COL18A1: variants seen among roughly 807,000 people sequenced by gnomAD.
COL18A1 encodes the protein collagen type XVIII alpha 1 chain, also known as collagen alpha-1(XVIII) chain.
In COL18A1, 133 loss-of-function variants were observed where a neutral mutation model predicts 168.0. The observed-to-expected ratio is 0.79, with a 90% CI of 0.69 to 0.91. The LOEUF is 0.91. Ranked by LOEUF, COL18A1 falls within the 40% of genes least tolerant of loss-of-function variation. The pLI is 0.00. For missense variants in COL18A1, 2,126 were observed against 1,925.4 expected, an observed-to-expected ratio of 1.10 and a Z score of -1.95; for synonymous variants, 949 against 809.0, an observed-to-expected ratio of 1.17 and a Z score of -2.94.
intron 38 of COL18A1, among the ~76,000 whole-genome samples, chr21:45,508,267 AGTGGATGGGTAG>A (rs965544350): frequency 7.9e-6 from 1 of 127,086 alleles, no homozygotes; most frequent in Admixed American, 7.7e-5. Context: ...CAGGTGGGTG[AGTGGATGGGTAG>A]GTAGATGGGG....
Position 45,496,591 on chromosome 21 carries a change from G to C in COL18A1, c.2577+23G>C. 2.6e-6 allele frequency: 3 copies of C among 1,144,850 alleles called. 1 individual carries two copies. The South Asian group carries it at 3.7e-5, about 14-fold the overall frequency. 70.9% of individuals were successfully genotyped at this position (1,144,850 alleles called of 1,614,324 possible). ...AATGTAAGTCCCCAGGGCACCCACT[G>C]TCCTACAGCCACCCTTGGCTGTCAC... is the stretch of plus-strand genomic sequence containing the variant. On this transcript the variant is annotated intron_variant, in intron 30 of 41. Transcript: ENST00000651438.
chr21:45,439,373 C>T (rs1486029635), intron 2 of COL18A1, among the ~76,000 whole-genome samples: 1 of 152,168 alleles, frequency 6.6e-6, no homozygotes, highest in Non-Finnish European at 1.5e-5. Context: ...GTGTGGATGC[C>T]GGGCGCCCGC....
intron 29 of COL18A1, 189 bp downstream of exon 29, chr21:45,495,621 C>T (rs1041849740): frequency 2.5e-4 from 153 of 604,732 alleles, no homozygotes; most frequent in Non-Finnish European, 4.1e-4. Context: ...CACGTGTGCC[C>T]AAACATGCAT....
intron 2 of COL18A1, among the ~76,000 whole-genome samples, chr21:45,449,907 G>A (rs1009310792): frequency 6.6e-6 from 1 of 152,206 alleles, no homozygotes; most frequent in Admixed American, 6.5e-5. Context: ...CTTTATCATC[G>A]TGGTTTGAAA....
At position 45,498,355 on chromosome 21, in the gene COL18A1, TCCCTCTCGCCACCACGGTC is replaced by T. The variant is rs1300574029; in HGVS notation, c.2683+705_2683+723del. On this transcript the variant is annotated intron_variant, in intron 32 of 41. Coordinates refer to ENST00000651438, the MANE Select transcript of COL18A1 (RefSeq NM_001379500.1). This position sits in a 1 kb window ranked among gnomAD's most constrained non-coding sequence, Gnocchi z 4.5. ...CAGGGTCCCCTCTCACCGCCAGGGT[TCCCTCTCGCCACCACGGTC>T]CCCTCTCGCCGCCAGGGTCCCCTCT... The T allele has an allele frequency of 1.0e-5, 4 of 397,418 alleles. No homozygotes were observed. The African/African-American group carries it at 1.2e-4, about 12-fold the overall frequency. The allele number at this position is 397,418 out of a possible 1,614,324, so 24.6% of individuals were successfully genotyped here.
At chr21:45,496,086 C>A (rs1315496557) in intron 29 of COL18A1, 6 of 256,860 alleles carry the variant, frequency 2.3e-5, no homozygotes, top group Non-Finnish European at 4.7e-5. Flanking sequence ...CCTCCATGCC[C>A]TCTATGCCCT....
At chr21:45,480,381 T>C (rs2145935884) in intron 11 of COL18A1, 86 bp from the exon 12 acceptor site, 2 of 1,611,206 alleles carry the variant, frequency 1.2e-6, no homozygotes, top group African/African-American at 1.3e-5. Context: ...AACAGCTCGA[T>C]ATGCAGCTTG....
At chr21:45,482,341 G>A (rs369356836) in intron 14 of COL18A1, 31 of 682,988 alleles carry the variant, frequency 4.5e-5, no homozygotes, top group Non-Finnish European at 5.7e-5. Context: ...TCGGACTGAC[G>A]CAAGGAGCCG....
chr21:45,464,807 G>C (rs2035147489), intron 2 of COL18A1, among the ~76,000 whole-genome samples: 1 of 152,150 alleles, frequency 6.6e-6, no homozygotes, highest in African/African-American at 2.4e-5. Context: ...TGTGTGGTTA[G>C]AAGTGGATCA....
chr21:45,427,862 A>C (rs920600154), intron 2 of COL18A1, among the ~76,000 whole-genome samples: 2 of 152,094 alleles, frequency 1.3e-5, no homozygotes, highest in Non-Finnish European at 2.9e-5. Flanking sequence ...ACTGGCGATG[A>C]GCTCAGGCCT....
intron 2 of COL18A1, among the ~76,000 whole-genome samples, chr21:45,426,307 G>A (rs1030825122): frequency 6.6e-6 from 1 of 152,166 alleles, no homozygotes. Context: ...GTTTCACCAT[G>A]TTGGCCAGGC....
rs1161131669 is a variant in COL18A1, at chr21:45,473,813, C to A, written c.652-82C>A. 4.9e-6 allele frequency: 6 copies of A among 1,222,978 alleles called. No homozygotes were observed. The highest frequency in any genetic ancestry group is 2.0e-5 in the Admixed American group (1 of 50,602). 75.8% of individuals were successfully genotyped at this position (1,222,978 alleles called of 1,614,324 possible). ...ACTCTCCTGCCCTTTGTGGGCCCCCCGAAATCTGGAGCTCAAGCAGCACCG... is the reference window on the plus strand; with the variant it reads ...ACTCTCCTGCCCTTTGTGGGCCCCCAGAAATCTGGAGCTCAAGCAGCACCG... On this transcript the variant is annotated intron_variant, in intron 3 of 41. Coordinates refer to ENST00000651438, the MANE Select transcript of COL18A1 (RefSeq NM_001379500.1). The surrounding 1 kb of genome is among the most constrained non-coding windows in gnomAD (Gnocchi z 4.0).
chr21:45,487,179 C>T (rs922101292), intron 16 of COL18A1, among the ~76,000 whole-genome samples, 187 bp downstream of exon 16: 9 of 152,350 alleles, frequency 5.9e-5, no homozygotes, highest in South Asian at 4.1e-4. Flanking sequence ...CCGTGCCCCA[C>T]GGTGCTGATG....
chr21:45,455,245 C>A (rs1174930131), intron 2 of COL18A1, among the ~76,000 whole-genome samples: 3 of 152,240 alleles, frequency 2.0e-5, no homozygotes, highest in Admixed American at 6.5e-5. Context: ...CGTTGGGAAC[C>A]CTGTGGACAC....
Position 45,468,295 on chromosome 21 carries a change from C to T in COL18A1, c.160C>T (p.Gln54Ter). 6.2e-7 allele frequency: 1 copy of T among 1,613,324 alleles called. No individual in the cohort carries two copies. Among genetic ancestry groups the T allele is most frequent in the Non-Finnish European group, 8.5e-7 (1 of 1,180,042 alleles). ...LLQLLGDPPP[Q>*]QVTQTDDPDV... ...GCAGCTCCTTGGGGACCCCCCGCCC[C>T]AGCAGGTCACCCAGACGGATGACCC... Residue 54 changes from glutamine to a stop codon, truncating the protein, a stop_gained, in exon 3 of 42, where the codon CAG becomes TAG. Transcript: ENST00000651438. LOFTEE classifies it high-confidence loss of function.
chr21:45,437,554 ACACACACAGACACAGG>A lies in COL18A1; in HGVS notation c.107-30684_107-30669del, dbSNP rs1569288142. 2.3e-3 allele frequency among the ~76,000 whole-genome samples: 126 copies of A among 53,846 alleles called. 1 individual carries two copies. The highest frequency in any genetic ancestry group is 3.0e-3 in the Non-Finnish European group (89 of 29,794). 35.3% of individuals were successfully genotyped at this position (53,846 alleles called of 152,430 possible). A position where few individuals can be genotyped will look rare whatever the true frequency, so the allele number is the denominator to read the frequency against. On this transcript the variant is annotated intron_variant, in intron 2 of 41. Coordinates refer to ENST00000651438, the MANE Select transcript of COL18A1 (RefSeq NM_001379500.1). ...CACACAGGCACTCTCCTGCACACAC[ACACACACAGACACAGG>A]CACTCTCCTGTACACACACACACTC...
rs1555874797 is a variant in COL18A1 at position 45,505,268 on chromosome 21, T to G, written c.3003T>G (p.Pro1001=). The part of the protein sequence containing the change: ...GPPGPPSFPG[P]HRQTISVPGP... ...CAGGGCCCCCTTCATTTCCTGGCCC[T>G]CACAGGCAGAGTAAGTCAGTGGGGA... The change falls in exon 35 of 42, where the codon CCT becomes CCG. Residue 1001 remains proline (P), a synonymous_variant. Coordinates refer to ENST00000651438, the MANE Select transcript of COL18A1 (RefSeq NM_001379500.1). 1 of 1,608,038 alleles carries G rather than the reference T, an allele frequency of 6.2e-7. No individual in the cohort carries two copies. Among genetic ancestry groups the G allele is most frequent in the Non-Finnish European group, 8.5e-7 (1 of 1,176,496 alleles).
chr21:45,408,194 G>A (rs1216218141), intron 2 of COL18A1: 1 of 152,304 alleles, frequency 6.6e-6, no homozygotes, highest in Non-Finnish European at 1.5e-5. Context: ...GACACTGGGG[G>A]CCAGTCCAGG....
intron 18 of COL18A1, among the ~76,000 whole-genome samples, chr21:45,488,710 C>T (rs141034588): frequency 6.6e-6 from 1 of 152,266 alleles, no homozygotes; most frequent in East Asian, 1.9e-4. Flanking sequence ...GTTCACACAC[C>T]TGAAGCATAT....
Sources: allele counts gnomAD v4.1 joint callset (sites outside exome capture counted in the v4.1 genomes callset), GRCh38; gene constraint gnomAD v4.1.1; non-coding constraint Gnocchi (gnomAD v3.1); transcripts MANE v1.5; gene names NCBI Gene and HGNC (gene_info 2026-07-23, HGNC 2026-07-21).